Variants in DAPK2 observed in about 807,000 individuals in gnomAD.
DAPK2 encodes death-associated protein kinase 2.
A neutral mutation model predicts 44.1 loss-of-function variants in DAPK2; 35 were observed. That is an observed-to-expected ratio of 0.79 (90% confidence interval 0.61 to 1.05). The LOEUF (loss-of-function observed/expected upper bound fraction) is 1.05, where lower values mean the gene tolerates loss of function less well. Among genes scored for constraint, DAPK2 ranks in the 50% least tolerant of loss-of-function variants. DAPK2 has a pLI of 0.00. For synonymous variants in DAPK2, 174 were observed against 182.6 expected, an observed-to-expected ratio of 0.95 and a Z score of 0.38; for missense variants, 453 against 483.2, an observed-to-expected ratio of 0.94 and a Z score of 0.59.
At position 63,954,682 on chromosome 15, in the gene DAPK2, G is replaced by A. The variant is rs2077675723; in HGVS notation, c.454-15321C>T. Among the ~76,000 whole-genome samples the A allele has an allele frequency of 3.3e-5, 5 of 152,078 alleles. No individual in the cohort carries two copies. The South Asian group carries it at 1.0e-3, about 31-fold the overall frequency. On this transcript the variant is annotated intron_variant, in intron 3 of 10. Transcript: ENST00000261891. Reference sequence around the variant, plus strand: ...TTTAGGTTTTGTTTTTTCTATTTCGGTTAAGAATGTCATTGGTATTTTTAT... The same window carrying A: ...TTTAGGTTTTGTTTTTTCTATTTCGATTAAGAATGTCATTGGTATTTTTAT...
At chr15:63,945,235 G>A (rs988008120) in intron 3 of DAPK2, among the ~76,000 whole-genome samples, 11 of 152,166 alleles carry the variant, frequency 7.2e-5, no homozygotes, top group African/African-American at 2.7e-4. Context: ...TGATGACGCT[G>A]GCCTGCTGGC....
chr15:63,909,935 C>A (rs955767738), intron 10 of DAPK2, among the ~76,000 whole-genome samples: 3 of 152,354 alleles, frequency 2.0e-5, no homozygotes, highest in East Asian at 1.9e-4. Context: ...CCTCCCAGGG[C>A]CTTTTCCCCT....
rs2079164584 is a variant in DAPK2, at chr15:63,923,979, C to T, written c.858+837G>A. Among the ~76,000 whole-genome samples, 1 of 152,336 alleles carries T rather than the reference C, an allele frequency of 6.6e-6. No homozygotes were observed. Among genetic ancestry groups the T allele is most frequent in the African/African-American group, 2.4e-5 (1 of 41,588 alleles). The stretch of plus-strand genomic sequence containing the variant: ...GGGATTACAGGCATGAGCCACTGCA[C>T]CTGGCCTGCCTCACCTTTTCTTATC... On this transcript the variant is annotated intron_variant, in intron 8 of 10. Coordinates refer to ENST00000261891, the Ensembl canonical transcript of DAPK2. The surrounding 1 kb of genome is among the most constrained non-coding windows in gnomAD (Gnocchi z 4.2).
At position 64,020,566 on chromosome 15, in the gene DAPK2, C is replaced by T. The variant is rs2079653702; in HGVS notation, c.92+19604G>A. 6.6e-6 allele frequency among the ~76,000 whole-genome samples: 1 copy of T among 152,204 alleles called. No homozygotes were observed. Among genetic ancestry groups the T allele is most frequent in the Non-Finnish European group, 1.5e-5 (1 of 68,042 alleles). On this transcript the variant is annotated intron_variant, in intron 1 of 10. Coordinates refer to ENST00000261891, the Ensembl canonical transcript of DAPK2. The surrounding 1 kb of genome is among the most constrained non-coding windows in gnomAD (Gnocchi z 4.5). ...TATCGCTTGCTTCACCAAAGCAGCA[C>T]TACTTTGCCCATCTCCTCTGGGAAG...
intron 8 of DAPK2, chr15:63,922,249 C>T: frequency 2.0e-6 from 2 of 985,516 alleles, no homozygotes; most frequent in Non-Finnish European, 2.4e-6. Flanking sequence ...AAAATCAATG[C>T]AAACGAAAGG....
At chr15:63,930,893 C>T (rs1304002306) in intron 4 of DAPK2, among the ~76,000 whole-genome samples, 1 of 152,028 alleles carries the variant, frequency 6.6e-6, no homozygotes, top group African/African-American at 2.4e-5. Context: ...ACCCCATCTC[C>T]ACAAAACATT....
chr15:63,929,263 A>G (rs2079435195), intron 6 of DAPK2, among the ~76,000 whole-genome samples: 1 of 150,008 alleles, frequency 6.7e-6, no homozygotes, highest in African/African-American at 2.5e-5. Flanking sequence ...AGTCTGGGGG[A>G]GGGTGAGCAG....
At position 63,930,397 on chromosome 15, in the gene DAPK2, T is replaced by C. The variant is rs527678148; in HGVS notation, c.632+10A>G. On this transcript the variant is annotated intron_variant, in intron 5 of 10. Transcript: ENST00000261891. ...ATCGCTAGGTCACCTGAGTGGCCTATCCAACTTACCACATGTCAGCCTCCA... is the reference window on the plus strand; with the variant it reads ...ATCGCTAGGTCACCTGAGTGGCCTACCCAACTTACCACATGTCAGCCTCCA... 2.5e-4 allele frequency: 407 copies of C among 1,614,162 alleles called. 3 individuals are homozygous for C. The South Asian group carries it at 4.2e-3, about 16-fold the overall frequency.
intron 1 of DAPK2, among the ~76,000 whole-genome samples, chr15:63,987,850 T>A (rs2078707782): frequency 6.6e-6 from 1 of 152,100 alleles, no homozygotes; most frequent in Admixed American, 6.5e-5. Context: ...CCTGTTCAAC[T>A]CCCCAGGCCT....
intron 6 of DAPK2, among the ~76,000 whole-genome samples, chr15:63,928,738 A>G (rs913991831): frequency 6.6e-6 from 1 of 152,196 alleles, no homozygotes; most frequent in African/African-American, 2.4e-5. Context: ...CACTGGAGCT[A>G]TGCAGGAAAT....
chr15:63,920,658 G>A (rs2079047252), intron 8 of DAPK2: 1 of 152,168 alleles, frequency 6.6e-6, no homozygotes, highest in Admixed American at 6.5e-5. Flanking sequence ...TTCCTGTCTT[G>A]TCCTAAACCA....
At chr15:64,003,477 C>T (rs905442281) in intron 1 of DAPK2, among the ~76,000 whole-genome samples, 2 of 152,246 alleles carry the variant, frequency 1.3e-5, no homozygotes, top group African/African-American at 4.8e-5. Context: ...CACCAGGATT[C>T]GCCTACTTCT....
intron 4 of DAPK2, among the ~76,000 whole-genome samples, chr15:63,935,089 C>CTT (rs35739549): frequency 0.46 from 57,265 of 124,224 alleles, 14,603 homozygotes; most frequent in East Asian, 0.9. Flanking sequence ...TCTTTGCCTT[C>CTT]TTTTTTTTTT....
intron 3 of DAPK2, among the ~76,000 whole-genome samples, chr15:63,944,234 A>C (rs961725936): frequency 6.6e-6 from 1 of 152,202 alleles, no homozygotes; most frequent in Non-Finnish European, 1.5e-5. Context: ...GTCAGGACCC[A>C]GGTTCTCGTC....
At chr15:64,025,924 T>C (rs550584984) in intron 1 of DAPK2, among the ~76,000 whole-genome samples, 2 of 152,338 alleles carry the variant, frequency 1.3e-5, no homozygotes, top group African/African-American at 4.8e-5. Context: ...ATTGGAAACA[T>C]TCCTCTGTAA....
At chr15:64,011,630 G>A (rs985242533) in intron 1 of DAPK2, among the ~76,000 whole-genome samples, 2 of 152,172 alleles carry the variant, frequency 1.3e-5, no homozygotes, top group African/African-American at 4.8e-5. Flanking sequence ...TGTCTAATGT[G>A]GTAGCTGCTA....
intron 1 of DAPK2, among the ~76,000 whole-genome samples, chr15:64,000,159 T>G (rs2079045051): frequency 6.8e-6 from 1 of 147,920 alleles, no homozygotes; most frequent in Admixed American, 6.8e-5. Flanking sequence ...TACAAAGCAC[T>G]TGCCTGACTA....
chr15:64,023,536 G>A (rs772314248), intron 1 of DAPK2, among the ~76,000 whole-genome samples: 2 of 152,194 alleles, frequency 1.3e-5, no homozygotes, highest in Non-Finnish European at 2.9e-5. Context: ...ATCAAGGGAG[G>A]AAAGGAATAA....
intron 1 of DAPK2, among the ~76,000 whole-genome samples, chr15:64,017,262 C>T (rs958335827): frequency 1.3e-5 from 2 of 152,148 alleles, no homozygotes; most frequent in African/African-American, 4.8e-5. Flanking sequence ...GTCACCTAAC[C>T]TCTTGAAACA....
Sources: allele counts gnomAD v4.1 joint callset (sites outside exome capture counted in the v4.1 genomes callset), GRCh38; gene constraint gnomAD v4.1.1; non-coding constraint Gnocchi (gnomAD v3.1); transcripts MANE v1.5; gene names NCBI Gene and HGNC (gene_info 2026-07-23, HGNC 2026-07-21).